Variants in FBXL2 observed in about 807,000 individuals in gnomAD.
FBXL2 encodes F-box and leucine rich repeat protein 2.
A neutral mutation model predicts 69.2 loss-of-function variants in FBXL2; 38 were observed. The observed-to-expected ratio is 0.55, with a 90% confidence interval of 0.42 to 0.72. FBXL2 has a LOEUF of 0.72. FBXL2 is among the 30% of genes least tolerant of loss of function. The pLI is 0.00. For missense variants in FBXL2, 354 were observed against 520.3 expected, an observed-to-expected ratio of 0.68 and a Z score of 3.11; for synonymous variants, 192 against 201.3, an observed-to-expected ratio of 0.95 and a Z score of 0.39.
At chr3:33,334,441 A>G (rs1004857461) in intron 2 of FBXL2, among the ~76,000 whole-genome samples, 1 of 152,212 alleles carries the variant, frequency 6.6e-6, no homozygotes, top group African/African-American at 2.4e-5. Flanking sequence ...ATTATTCACT[A>G]CACAAGAAAG....
At chr3:33,307,444 T>C (rs891953707) in intron 2 of FBXL2, among the ~76,000 whole-genome samples, 6 of 152,142 alleles carry the variant, frequency 3.9e-5, no homozygotes, top group African/African-American at 1.4e-4. Context: ...CAGTATATGA[T>C]CCTGAATTGG....
At position 33,373,339 on chromosome 3, in the gene FBXL2, T is replaced by A; in HGVS notation, c.439T>A (p.Ser147Thr). 1 of 1,611,986 alleles carries A rather than the reference T, an allele frequency of 6.2e-7. No homozygotes were observed. The highest frequency in any genetic ancestry group is 8.5e-7 in the Non-Finnish European group (1 of 1,178,050). ...LTSCVSITNS[S>T]LKGISEGCRN... ...CTCCTGTGTGTCTATTACAAACAGC[T>A]CCTTGAAGGGGATCAGGTAAGAGTG... The change falls in exon 7 of 15, where the codon TCC (serine) becomes ACC (threonine). Residue 147 changes from serine (S) to threonine (T), a missense_variant. Ser to Thr is a moderately conservative substitution (Grantham distance 58). Coordinates refer to ENST00000484457, the MANE Select transcript of FBXL2 (RefSeq NM_012157.5).
At chr3:33,397,194 C>T in intron 12 of FBXL2, 2 of 1,330,816 alleles carry the variant, frequency 1.5e-6, no homozygotes, top group Non-Finnish European at 2.1e-6. Flanking sequence ...AACTGCTTTA[C>T]AGGCATCTGT....
At chr3:33,351,109 A>G (rs1307177405) in intron 2 of FBXL2, among the ~76,000 whole-genome samples, 3 of 152,130 alleles carry the variant, frequency 2.0e-5, no homozygotes, top group Non-Finnish European at 4.4e-5. Context: ...CTACCAAAAA[A>G]TACAAAAATT....
At chr3:33,422,546 C>T in the FBXL2 span, among the ~76,000 whole-genome samples, 14 of 152,046 alleles carry the variant, frequency 9.2e-5, no homozygotes, top group South Asian at 1.7e-3. Flanking sequence ...TAGTGAGATC[C>T]GCCATCTCTA....
chr3:33,400,741 G>T (rs549434110), intron 12 of FBXL2, among the ~76,000 whole-genome samples: 2 of 152,224 alleles, frequency 1.3e-5, no homozygotes, highest in South Asian at 2.1e-4. Flanking sequence ...CAATAAAACA[G>T]AAGGAGTAAA....
At chr3:33,345,481 A>G (rs997193970) in intron 2 of FBXL2, among the ~76,000 whole-genome samples, 5 of 152,228 alleles carry the variant, frequency 3.3e-5, no homozygotes, top group African/African-American at 1.2e-4. Context: ...GAAAGGAAAT[A>G]TACAGACCAG....
At chr3:33,296,240 A>G (rs889001024) in intron 1 of FBXL2, among the ~76,000 whole-genome samples, 2 of 151,852 alleles carry the variant, frequency 1.3e-5, no homozygotes, top group African/African-American at 4.8e-5. Context: ...TAATTTTTGT[A>G]CTTTTAGTAG....
intron 1 of FBXL2, among the ~76,000 whole-genome samples, chr3:33,281,917 TTTAAG>T (rs1319526847): frequency 6.6e-6 from 1 of 152,238 alleles, no homozygotes; most frequent in African/African-American, 2.4e-5. Context: ...TGTAAATTTA[TTTAAG>T]TTATTTGTAG....
intron 1 of FBXL2, among the ~76,000 whole-genome samples, chr3:33,292,799 TAG>T (rs2035367383): frequency 2.0e-5 from 3 of 149,872 alleles, no homozygotes; most frequent in African/African-American, 7.4e-5. Context: ...AGACCCTTGT[TAG>T]ATCAATCAAA....
At chr3:33,282,015 T>C (rs921554622) in intron 1 of FBXL2, among the ~76,000 whole-genome samples, 2 of 152,224 alleles carry the variant, frequency 1.3e-5, no homozygotes, top group African/African-American at 4.8e-5. Context: ...ACTCTGATTG[T>C]AGTTTCTTTT....
chr3:33,400,047 A>C, intron 12 of FBXL2: 1 of 468,240 alleles, frequency 2.1e-6, no homozygotes, highest in East Asian at 3.6e-5. Context: ...TGGGGGATAG[A>C]TATAAAGAAC....
At chr3:33,297,860 GT>G in intron 2 of FBXL2, 135 bp downstream of exon 2, 1 of 687,516 alleles carries the variant, frequency 1.5e-6, no homozygotes, top group Non-Finnish European at 2.7e-6. Flanking sequence ...TTTTGTTTTT[GT>G]TTTATAGAAT....
the FBXL2 span, among the ~76,000 whole-genome samples, chr3:33,420,306 T>C: frequency 6.6e-6 from 1 of 152,102 alleles, no homozygotes; most frequent in African/African-American, 2.4e-5. Context: ...TTCTAGGGAC[T>C]TATAGCTGTA....
chr3:33,374,564 G>C (rs987797224), intron 9 of FBXL2, among the ~76,000 whole-genome samples: 1 of 152,118 alleles, frequency 6.6e-6, no homozygotes, highest in East Asian at 1.9e-4. Flanking sequence ...AGTCCCTAGT[G>C]GTGGGGAAAA....
chr3:33,361,695 T>G (rs1559605483), intron 4 of FBXL2, among the ~76,000 whole-genome samples: 1 of 152,170 alleles, frequency 6.6e-6, no homozygotes, highest in Admixed American at 6.5e-5. Context: ...GTTTACCAGT[T>G]ATATAAAGAA....
intron 1 of FBXL2, among the ~76,000 whole-genome samples, chr3:33,287,971 A>G (rs972932009): frequency 6.6e-6 from 1 of 152,092 alleles, no homozygotes; most frequent in Non-Finnish European, 1.5e-5. Context: ...AGTTCAGACA[A>G]CCAAAGCTCA....
At chr3:33,394,837 T>A (rs75286865) in intron 12 of FBXL2, among the ~76,000 whole-genome samples, 34 of 150,290 alleles carry the variant, frequency 2.3e-4, no homozygotes, top group African/African-American at 5.9e-4. Context: ...TTTTTTTTTT[T>A]AAATAAAGTT....
chr3:33,394,817 G>GTTTTTTTTTTTTTTTTTTTT (rs76142927), intron 12 of FBXL2, among the ~76,000 whole-genome samples: 1 of 110,444 alleles, frequency 9.1e-6, no homozygotes, highest in Non-Finnish European at 2.1e-5. Flanking sequence ...CCCTCCACTT[G>GTTTTTTTTTTTTTTTTTTTT]TTTTTTTTTT....
Sources: gnomAD v4.1 joint callset for allele counts (sites outside exome capture counted in the v4.1 genomes callset) on GRCh38, gnomAD v4.1.1 for gene constraint, MANE v1.5 for transcripts, NCBI Gene and HGNC (gene_info 2026-07-23, HGNC 2026-07-21) for gene names.